Variants in SPIDR observed in about 807,000 individuals in gnomAD.
The protein encoded by SPIDR is DNA repair-scaffolding protein.
Under a neutral mutation model 104.6 loss-of-function variants are expected in SPIDR, and 93 were observed. That is an observed-to-expected ratio of 0.89 (90% CI 0.75 to 1.06). The LOEUF (loss-of-function observed/expected upper bound fraction) is 1.06, where lower values mean the gene tolerates loss of function less well. Among genes scored for constraint, SPIDR ranks in the 50% least tolerant of loss-of-function variants. SPIDR has a pLI of 0.00. For synonymous variants in SPIDR, 431 were observed against 416.9 expected (o/e 1.03, Z -0.41); for missense variants, 1,154 against 1,111.2 (o/e 1.04, Z -0.55).
Position 47,421,274 on chromosome 8 carries a change from C to A in SPIDR, c.877+13313C>A, listed in dbSNP as rs144415308. Among the ~76,000 whole-genome samples the A allele has an allele frequency of 5.6e-3, 852 of 152,240 alleles. 5 individuals are homozygous for A. The highest frequency in any genetic ancestry group is 0.016 in the South Asian group (76 of 4,822). On this transcript the variant is annotated intron_variant, in intron 7 of 19. Coordinates refer to ENST00000297423, the MANE Select transcript of SPIDR (RefSeq NM_001080394.4). Reference sequence around the variant, plus strand: ...ATCAGACGTAGATTTGGTCTTTTCACATAGTCCTATATTTCTTGGAGGCTT... The same window carrying A: ...ATCAGACGTAGATTTGGTCTTTTCAAATAGTCCTATATTTCTTGGAGGCTT...
intron 8 of SPIDR, among the ~76,000 whole-genome samples, chr8:47,536,328 A>G (rs1389532519): frequency 2.0e-5 from 3 of 152,184 alleles, no homozygotes; most frequent in Non-Finnish European, 4.4e-5. Flanking sequence ...AATACCTACA[A>G]TAGCCGACTC....
intron 10 of SPIDR, among the ~76,000 whole-genome samples, chr8:47,634,781 G>T (rs576024777): frequency 6.6e-6 from 1 of 152,176 alleles, no homozygotes; most frequent in Non-Finnish European, 1.5e-5. Context: ...ATCCTCTCAC[G>T]CCTGGGCCAG....
At chr8:47,553,282 G>A (rs1303932536) in intron 8 of SPIDR, among the ~76,000 whole-genome samples, 2 of 152,082 alleles carry the variant, frequency 1.3e-5, no homozygotes, top group African/African-American at 4.8e-5. Flanking sequence ...GGCATTCTCT[G>A]TATTTCCTGA....
intron 12 of SPIDR, 92 bp from the exon 13 acceptor site, chr8:47,701,629 T>C (rs2080195946): frequency 3.2e-6 from 4 of 1,262,520 alleles, no homozygotes; most frequent in Non-Finnish European, 3.3e-6. Context: ...TAAGCAAATA[T>C]GTATATATTA....
At chr8:47,526,349 GA>G (rs1180846016) in intron 8 of SPIDR, among the ~76,000 whole-genome samples, 3 of 152,182 alleles carry the variant, frequency 2.0e-5, no homozygotes, top group Non-Finnish European at 2.9e-5. Flanking sequence ...TATTAACAAA[GA>G]GCAGAGTCCT....
At chr8:47,513,052 T>C in intron 8 of SPIDR, among the ~76,000 whole-genome samples, 1 of 152,254 alleles carries the variant, frequency 6.6e-6, no homozygotes, top group Non-Finnish European at 1.5e-5. Context: ...TCTGTTAATA[T>C]TCTGAAAGGT....
chr8:47,272,748 G>A (rs776300785), intron 1 of SPIDR, among the ~76,000 whole-genome samples: 23 of 152,032 alleles, frequency 1.5e-4, no homozygotes, highest in Non-Finnish European at 2.4e-4. Context: ...ACGATTAGGA[G>A]AAATTAGGCA....
intron 8 of SPIDR, among the ~76,000 whole-genome samples, chr8:47,518,782 G>A (rs891862256): frequency 4.0e-5 from 6 of 151,858 alleles, no homozygotes; most frequent in Non-Finnish European, 7.4e-5. Flanking sequence ...AACTACAGGC[G>A]CCTGCCACCA....
intron 10 of SPIDR, among the ~76,000 whole-genome samples, chr8:47,620,610 G>GT (rs763070696): frequency 1.3e-5 from 2 of 148,352 alleles, no homozygotes; most frequent in East Asian, 2.1e-4. Flanking sequence ...CATCGGTTTT[G>GT]TTTTTTTGTT....
chr8:47,505,451 T>A (rs1307786864), intron 8 of SPIDR, among the ~76,000 whole-genome samples: 1 of 152,152 alleles, frequency 6.6e-6, no homozygotes, highest in Non-Finnish European at 1.5e-5. Context: ...CGGGATATAA[T>A]CTCCTGGTGT....
chr8:47,287,633 C>G (rs1686677817), intron 3 of SPIDR, among the ~76,000 whole-genome samples: 1 of 152,126 alleles, frequency 6.6e-6, no homozygotes, highest in Non-Finnish European at 1.5e-5. Flanking sequence ...TCCCTACTTG[C>G]ATGTCCGTTT....
chr8:47,391,928 G>A (rs1554652395), intron 5 of SPIDR, among the ~76,000 whole-genome samples: 3 of 150,138 alleles, frequency 2.0e-5, no homozygotes, highest in African/African-American at 4.9e-5. Context: ...CCTGGGAGGC[G>A]GAGCTTGCAG....
In SPIDR at chr8:47,333,174, T is replaced by A. The variant is rs191632171; in HGVS notation, c.525+39144T>A. Among the ~76,000 whole-genome samples, 414 of 152,308 alleles carry A rather than the reference T, an allele frequency of 2.7e-3. 7 individuals carry two copies. Among genetic ancestry groups the A allele is most frequent in the Admixed American group, 0.025 (382 of 15,296 alleles). On this transcript the variant is annotated intron_variant, in intron 5 of 19. Coordinates refer to ENST00000297423, the MANE Select transcript of SPIDR (RefSeq NM_001080394.4). ...AGGTCTTCAGGGGCAGTAACACTCA[T>A]GGAGCTGTCATCTTGTATGATATCA...
At chr8:47,393,950 G>T (rs1410351077) in intron 5 of SPIDR, among the ~76,000 whole-genome samples, 3 of 151,180 alleles carry the variant, frequency 2.0e-5, no homozygotes, top group Admixed American at 6.6e-5. Flanking sequence ...TGTCACCCAG[G>T]CTGGAGTGCA....
chr8:47,341,103 CTT>C (rs1444941978), intron 5 of SPIDR, among the ~76,000 whole-genome samples: 1 of 152,140 alleles, frequency 6.6e-6, no homozygotes, highest in African/African-American at 2.4e-5. Flanking sequence ...TGAGGGCAGC[CTT>C]GTGGAGGACT....
intron 5 of SPIDR, among the ~76,000 whole-genome samples, chr8:47,323,410 A>T (rs1339132323): frequency 1.3e-5 from 2 of 152,170 alleles, no homozygotes; most frequent in Non-Finnish European, 2.9e-5. Flanking sequence ...TGGTTGTTGT[A>T]ATGCAGTACA....
intron 10 of SPIDR, among the ~76,000 whole-genome samples, chr8:47,612,556 A>G (rs910249826): frequency 6.6e-6 from 1 of 152,230 alleles, no homozygotes; most frequent in Non-Finnish European, 1.5e-5. Flanking sequence ...TAAAAGCACT[A>G]TCTGGTAATT....
chr8:47,476,145 C>T (rs532904836), intron 8 of SPIDR, among the ~76,000 whole-genome samples: 7 of 152,188 alleles, frequency 4.6e-5, no homozygotes, highest in East Asian at 1.9e-4. Flanking sequence ...GTTACAGTGT[C>T]GAAGTGTGAC....
In SPIDR at chr8:47,510,469, A is replaced by AT. The variant is rs528167807; in HGVS notation, c.1097+69936dup. Among the ~76,000 whole-genome samples the AT allele has an allele frequency of 1.2e-3, 180 of 151,006 alleles. 2 individuals are homozygous for AT. The highest frequency in any genetic ancestry group is 1.6e-3 in the Non-Finnish European group (111 of 67,632). ...CATAAAAAAATTATGTGCATAAAGC[A>AT]TTTTTTTTTGCAATAGAACTCTTCT... is the stretch of plus-strand genomic sequence containing the variant. On this transcript the variant is annotated intron_variant, in intron 8 of 19. Coordinates refer to ENST00000297423, the MANE Select transcript of SPIDR (RefSeq NM_001080394.4).
Sources: gnomAD v4.1 joint callset for allele counts (sites outside exome capture counted in the v4.1 genomes callset) on GRCh38, gnomAD v4.1.1 for gene constraint, MANE v1.5 for transcripts, NCBI Gene and HGNC (gene_info 2026-07-23, HGNC 2026-07-21) for gene names.